The following WBP1L variants were observed in gnomAD, a reference collection of about 807,000 sequenced individuals.
The protein encoded by WBP1L is WW domain binding protein 1 like.
Under a neutral mutation model 33.7 loss-of-function variants are expected in WBP1L, and 17 were observed. That is an observed-to-expected ratio of 0.50 (90% CI 0.34 to 0.76). WBP1L has a LOEUF of 0.76. Among genes scored for constraint, WBP1L ranks in the 30% least tolerant of loss-of-function variants. WBP1L has a pLI of 0.01. For missense variants in WBP1L, 389 were observed against 469.4 expected, an observed-to-expected ratio of 0.83 and a Z score of 1.58; for synonymous variants, 173 against 190.8, an observed-to-expected ratio of 0.91 and a Z score of 0.77.
intron 1 of WBP1L, among the ~76,000 whole-genome samples, chr10:102,760,551 T>C (rs568356607): frequency 1.3e-5 from 2 of 151,994 alleles, no homozygotes; most frequent in East Asian, 1.9e-4. Flanking sequence ...TAATTTTGTA[T>C]TGTTAGTAGA....
intron 1 of WBP1L, among the ~76,000 whole-genome samples, chr10:102,769,113 T>C (rs1843152797): frequency 6.6e-6 from 1 of 152,178 alleles, no homozygotes; most frequent in Admixed American, 6.5e-5. Flanking sequence ...GCCTACTGAG[T>C]AGCTGAACCT....
At position 102,798,078 on chromosome 10, in the gene WBP1L, A is replaced by G; in HGVS notation, c.176A>G (p.Tyr59Cys). The stretch of plus-strand genomic sequence containing the variant: ...TGTGGACAGTCTCAGTGCTGCAACT[A>G]CTACTATGAACTCTGGTGTAAGTCC... ...HCCGQSQCCN[Y>C]YYELWWFWLV... is the part of the protein sequence containing the mutation. Residue 59 changes from tyrosine to cysteine, a missense_variant, in exon 2 of 4, where the codon TAC (tyrosine) becomes TGC (cysteine). By Grantham distance (194) the Tyr-to-Cys change is radical (BLOSUM62 -2). Transcript: ENST00000448841. 1 of 1,614,070 alleles carries G rather than the reference A, an allele frequency of 6.2e-7. No individual in the cohort carries two copies. Among genetic ancestry groups the G allele is most frequent in the Non-Finnish European group, 8.5e-7 (1 of 1,179,990 alleles).
intron 1 of WBP1L, among the ~76,000 whole-genome samples, chr10:102,746,393 G>A (rs370020058): frequency 6.6e-6 from 1 of 151,964 alleles, no homozygotes. Context: ...ATGAGCAGTG[G>A]CCCTCTTCCT....
At chr10:102,747,180 G>A (rs1343136140) in intron 1 of WBP1L, among the ~76,000 whole-genome samples, 1 of 152,028 alleles carries the variant, frequency 6.6e-6, no homozygotes, top group African/African-American at 2.4e-5. Context: ...TGGCCAACAT[G>A]GTGAAACCCT....
intron 1 of WBP1L, among the ~76,000 whole-genome samples, chr10:102,773,302 G>C (rs1843216654): frequency 6.6e-6 from 1 of 152,180 alleles, no homozygotes; most frequent in Non-Finnish European, 1.5e-5. Context: ...ATAGAAAGAA[G>C]CTGTTGTCAG....
rs1843896925 is a variant in WBP1L, at chr10:102,814,346, A to G, written c.*1015A>G. On this transcript the variant is annotated 3_prime_UTR_variant, in exon 4 of 4. Coordinates refer to ENST00000448841, the MANE Select transcript of WBP1L (RefSeq NM_001083913.2). ...CCGTGTCAGCCTGCATCGCAAGCAC[A>G]CACCCTGCGGGCCTTCAAGTCTCAC... 1 of 152,582 alleles carries G rather than the reference A, an allele frequency of 6.6e-6. No homozygotes were observed. Among genetic ancestry groups the G allele is most frequent in the African/African-American group, 2.4e-5 (1 of 41,464 alleles). The allele number at this position is 152,582 out of a possible 1,614,324, so 9.5% of individuals were successfully genotyped here.
intron 3 of WBP1L, 47 bp downstream of exon 3, chr10:102,810,101 A>C: frequency 6.4e-7 from 1 of 1,566,316 alleles, no homozygotes; most frequent in Non-Finnish European, 8.6e-7. Flanking sequence ...GCTCAGGTGC[A>C]CAGACCCAGG....
Position 102,749,038 on chromosome 10 carries a change from A to C in WBP1L, c.90+4895A>C, listed in dbSNP as rs141557731. On this transcript the variant is annotated intron_variant, in intron 1 of 3. Coordinates refer to ENST00000448841, the MANE Select transcript of WBP1L (RefSeq NM_001083913.2). The stretch of plus-strand genomic sequence containing the variant: ...GGAGTGTGGAAGTGGGGGAGGCTCG[A>C]AAGAGAGGCTGTTGTCACATGGTCA... Among the ~76,000 whole-genome samples the C allele has an allele frequency of 3.6e-3, 549 of 152,214 alleles. 1 individual carries two copies. The highest frequency in any genetic ancestry group is 0.013 in the African/African-American group (522 of 41,528).
At chr10:102,810,489 CCCTCCTTCCT>C (rs1564771157) in intron 3 of WBP1L, among the ~76,000 whole-genome samples, 36 of 43,228 alleles carry the variant, frequency 8.3e-4, no homozygotes, top group African/African-American at 2.1e-3. Flanking sequence ...TTCCTTCCTT[CCCTCCTTCCT>C]TCCTTCCTTC....
intron 2 of WBP1L, among the ~76,000 whole-genome samples, chr10:102,801,827 TTCTCTCTCTTTTTTTCTTTC>T (rs1843660055): frequency 6.6e-6 from 1 of 151,816 alleles, no homozygotes; most frequent in Non-Finnish European, 1.5e-5. Flanking sequence ...TCATTTTTTA[TTCTCTCTCTTTTTTTCTTTC>T]TCTCTCTCTT....
Position 102,814,914 on chromosome 10 carries a change from A to G in WBP1L, c.*1583A>G, listed in dbSNP as rs1426786336. 6.6e-6 allele frequency: 1 copy of G among 152,612 alleles called. No individual in the cohort carries two copies. Among genetic ancestry groups the G allele is most frequent in the East Asian group, 1.9e-4 (1 of 5,196 alleles). 9.5% of individuals were successfully genotyped at this position (152,612 alleles called of 1,614,324 possible). On this transcript the variant is annotated 3_prime_UTR_variant, in exon 4 of 4. Coordinates refer to ENST00000448841, the MANE Select transcript of WBP1L (RefSeq NM_001083913.2). Reference sequence around the variant, plus strand: ...TATATATATGTCCAAAAACAGACAAATCCAAGGGTGTGAGGTAAACGAGTG... The same window carrying G: ...TATATATATGTCCAAAAACAGACAAGTCCAAGGGTGTGAGGTAAACGAGTG...
At chr10:102,778,328 T>C (rs1032310418) in intron 1 of WBP1L, among the ~76,000 whole-genome samples, 4 of 152,240 alleles carry the variant, frequency 2.6e-5, no homozygotes, top group African/African-American at 9.6e-5. Flanking sequence ...TGACTGCCAT[T>C]GTGCAGTGAC....
At chr10:102,764,823 T>C (rs1449635037) in intron 1 of WBP1L, among the ~76,000 whole-genome samples, 1 of 152,184 alleles carries the variant, frequency 6.6e-6, no homozygotes, top group Non-Finnish European at 1.5e-5. Context: ...CACGGTGCCA[T>C]GAGCTGTGCT....
chr10:102,744,559 G>A (rs1842842119), intron 1 of WBP1L: 2 of 900,002 alleles, frequency 2.2e-6, no homozygotes, highest in Non-Finnish European at 1.3e-6. Context: ...GGGATCCTGA[G>A]GATATTTCTT....
chr10:102,808,862 A>AG (rs1016434100), intron 2 of WBP1L, among the ~76,000 whole-genome samples: 1 of 130,706 alleles, frequency 7.7e-6, no homozygotes, highest in Non-Finnish European at 1.8e-5. Context: ...GTTGCGGGGG[A>AG]GGGGAGATGG....
intron 2 of WBP1L, among the ~76,000 whole-genome samples, chr10:102,801,258 T>A (rs116059393): frequency 9.9e-5 from 15 of 152,180 alleles, no homozygotes; most frequent in East Asian, 9.6e-4. Flanking sequence ...ATTATCTCCA[T>A]GCATTTTTAC....
chr10:102,809,789 C>A, intron 2 of WBP1L, 104 bp from the exon 3 acceptor site: 1 of 1,345,738 alleles, frequency 7.4e-7, no homozygotes, highest in Non-Finnish European at 1.0e-6. Flanking sequence ...GCCATGCCAG[C>A]TTCAACCACG....
intron 1 of WBP1L, among the ~76,000 whole-genome samples, chr10:102,755,882 A>G (rs1842969377): frequency 6.7e-6 from 1 of 150,106 alleles, no homozygotes; most frequent in African/African-American, 2.5e-5. Flanking sequence ...CGTCTCTACT[A>G]AAAATACAAA....
intron 1 of WBP1L, among the ~76,000 whole-genome samples, chr10:102,784,204 C>T (rs1843377429): frequency 6.6e-6 from 1 of 152,054 alleles, no homozygotes; most frequent in South Asian, 2.1e-4. Context: ...CAGTGGTACC[C>T]AAATGACTTT....
Sources: allele counts gnomAD v4.1 joint callset (sites outside exome capture counted in the v4.1 genomes callset), GRCh38; gene constraint gnomAD v4.1.1; transcripts MANE v1.5; gene names NCBI Gene and HGNC (gene_info 2026-07-23, HGNC 2026-07-21).